Variants in NBEAL2 observed in about 807,000 individuals in gnomAD.
NBEAL2 encodes neurobeachin-like protein 2.
A neutral mutation model predicts 299.8 loss-of-function variants in NBEAL2; 160 were observed. That is an observed-to-expected ratio of 0.53 (90% CI 0.47 to 0.61). The LOEUF (loss-of-function observed/expected upper bound fraction) is 0.61, where lower values mean the gene tolerates loss of function less well. NBEAL2 is among the 20% of genes least tolerant of loss of function. The pLI is 0.00. For synonymous variants in NBEAL2, 1,493 were observed against 1,542.3 expected, an observed-to-expected ratio of 0.97 and a Z score of 0.75; for missense variants, 3,112 against 3,649.0, an observed-to-expected ratio of 0.85 and a Z score of 3.79.
Position 47,007,716 on chromosome 3 carries a change from C to T in NBEAL2, c.7507+19C>T, listed in dbSNP as rs758256427. 1.9e-6 allele frequency: 3 copies of T among 1,609,230 alleles called. No homozygotes were observed. The Admixed American group carries it at 5.0e-5, about 27-fold the overall frequency. ...CACCTTGGTATGAACAGCCTTGGAG[C>T]TGGGGAGAATGAGGCACACAGGTAT... On this transcript the variant is annotated intron_variant, in intron 48 of 53. Coordinates refer to ENST00000450053, the MANE Select transcript of NBEAL2 (RefSeq NM_015175.3).
rs935435065 is a variant in NBEAL2 at position 47,000,882 on chromosome 3, C to G, written c.4306-119C>G. ...TGCCAGGCTCACTGTTAGCCAAATG[C>G]TCTGACTCCTGGGTGGCTACCCCAG... On this transcript the variant is annotated intron_variant, in intron 27 of 53. Coordinates refer to ENST00000450053, the MANE Select transcript of NBEAL2 (RefSeq NM_015175.3). This position sits in a 1 kb window ranked among gnomAD's most constrained non-coding sequence, Gnocchi z 4.5. The G allele has an allele frequency of 1.4e-6, 2 of 1,431,392 alleles. No individual in the cohort carries two copies. Among genetic ancestry groups the G allele is most frequent in the East Asian group, 2.5e-5 (1 of 40,046 alleles). 88.7% of individuals were successfully genotyped at this position (1,431,392 alleles called of 1,614,324 possible). A position where few individuals can be genotyped will look rare whatever the true frequency, so the allele number is the denominator to read the frequency against.
At position 46,989,516 on chromosome 3, in the gene NBEAL2, T is replaced by G; in HGVS notation, c.479T>G (p.Val160Gly). The G allele has an allele frequency of 6.3e-7, 1 of 1,590,640 alleles. No individual in the cohort carries two copies. Among genetic ancestry groups the G allele is most frequent in the Admixed American group, 1.8e-5 (1 of 56,886 alleles). ...CTTGGCCTCACTGCCCCCAGGGAAG[T>G]CATCAGCTCCAAGGAGAAGAGCAAA... Reference protein sequence around the residue: ...QTWRRQRSGEVISSKEKSKYK... With the variant: ...QTWRRQRSGEGISSKEKSKYK... Residue 160 changes from valine (V) to glycine (G), a missense_variant, in exon 6 of 54, where the codon GTC becomes GGC. Physicochemically the swap from Val to Gly is moderately radical, Grantham distance 109. Coordinates refer to ENST00000450053, the MANE Select transcript of NBEAL2 (RefSeq NM_015175.3). This position sits in a 1 kb window ranked among gnomAD's most constrained non-coding sequence, Gnocchi z 5.5.
intron 1 of NBEAL2, among the ~76,000 whole-genome samples, 166 bp downstream of exon 1, chr3:46,980,078 C>T (rs1289605821): frequency 2.0e-5 from 3 of 151,932 alleles, no homozygotes; most frequent in African/African-American, 4.8e-5. Flanking sequence ...GTGTGTGCCC[C>T]CAGCCCGCCG....
In NBEAL2 at chr3:46,989,366, G is replaced by T; in HGVS notation, c.458G>T (p.Arg153Leu). The change falls in exon 5 of 54, where the codon CGG becomes CTG. Residue 153 changes from arginine to leucine, a missense_variant. Around this residue, in one of 3 missense-constraint regions of NBEAL2, gnomAD observed 2,243 missense variants for 2,538.1 expected, o/e 0.88. Coordinates refer to ENST00000450053, the MANE Select transcript of NBEAL2 (RefSeq NM_015175.3). The surrounding 1 kb of genome is among the most constrained non-coding windows in gnomAD (Gnocchi z 5.5). ...CTCTTTGACCCTTACCAAACCTGGC[G>T]GCGCCAGCGCAGTGGGTGAGACCCA... ...EGLFDPYQTW[R>L]RQRSGEVISS... 6.3e-7 allele frequency: 1 copy of T among 1,579,392 alleles called. No homozygotes were observed. The highest frequency in any genetic ancestry group is 8.6e-7 in the Non-Finnish European group (1 of 1,162,774).
At chr3:46,985,595 G>T (rs2035623417) in intron 1 of NBEAL2, among the ~76,000 whole-genome samples, 1 of 152,214 alleles carries the variant, frequency 6.6e-6, no homozygotes, top group Admixed American at 6.5e-5. Context: ...ATAAGTTGGG[G>T]TCTCTGTGGT....
At chr3:46,990,817 C>T (rs1033234307) in intron 6 of NBEAL2, among the ~76,000 whole-genome samples, 2 of 152,146 alleles carry the variant, frequency 1.3e-5, no homozygotes, top group African/African-American at 2.4e-5. Flanking sequence ...CCCCAGAGCA[C>T]GGCATGGGAA....
rs754407148 is a variant in NBEAL2 at position 46,988,957 on chromosome 3, A to C, written c.256A>C (p.Ile86Leu). 5 of 1,612,916 alleles carry C rather than the reference A, an allele frequency of 3.1e-6. No homozygotes were observed. The highest frequency in any genetic ancestry group is 4.2e-6 in the Non-Finnish European group (5 of 1,179,230). Reference protein sequence around the residue: ...EQALLLLKLFIILCRNLENIE... With the variant: ...EQALLLLKLFLILCRNLENIE... ...AGCCCTCCTGCTGCTCAAGCTCTTC[A>C]TCATTCTCTGCAGGTGTCTCTGTTG... Residue 86 changes from isoleucine to leucine, a missense_variant, in exon 3 of 54, where the codon ATC becomes CTC. Ile to Leu is a conservative substitution (Grantham distance 5, BLOSUM62 2). Around this residue, in one of 3 missense-constraint regions of NBEAL2, gnomAD observed 2,243 missense variants for 2,538.1 expected, o/e 0.88. Transcript: ENST00000450053. The surrounding 1 kb of genome is among the most constrained non-coding windows in gnomAD (Gnocchi z 4.4).
In NBEAL2 at chr3:46,999,130, C is replaced by T. The variant is rs1225687405; in HGVS notation, c.3543+13C>T. 1.0e-5 allele frequency: 16 copies of T among 1,559,894 alleles called. No individual in the cohort carries two copies. Among genetic ancestry groups the T allele is most frequent in the East Asian group, 2.4e-5 (1 of 41,542 alleles). The stretch of plus-strand genomic sequence containing the variant: ...TCGAGTCTGCAAGGTACACCCAGCC[C>T]ACCCCCTCCCCTGGCATCCCATTCA... On this transcript the variant is annotated intron_variant, in intron 24 of 53. Coordinates refer to ENST00000450053, the MANE Select transcript of NBEAL2 (RefSeq NM_015175.3).
At position 46,998,088 on chromosome 3, in the gene NBEAL2, A is replaced by T. The variant is rs775954297; in HGVS notation, c.2980A>T (p.Met994Leu). The T allele has an allele frequency of 6.3e-7, 1 of 1,575,082 alleles. No homozygotes were observed. Among genetic ancestry groups the T allele is most frequent in the African/African-American group, 1.4e-5 (1 of 73,946 alleles). The change falls in exon 21 of 54, where the codon ATG (methionine) becomes TTG (leucine). Residue 994 changes from methionine (M) to leucine (L), a missense_variant. Physicochemically the swap from Met to Leu is conservative, Grantham distance 15 (BLOSUM62 2). Transcript: ENST00000450053. ...CCAGGTCCCAAGCTGGGCCATGGAC[A>T]TGAACGTGCTCATGTCCGCCCAGCT... ...LRKVPSWAMD[M>L]NVLMSAQLLM... is the part of the protein sequence containing the mutation.
intron 49 of NBEAL2, 24 bp downstream of exon 49, chr3:47,007,934 G>A: frequency 1.9e-6 from 3 of 1,606,034 alleles, no homozygotes; most frequent in South Asian, 1.1e-5. Context: ...GCAGCTCTGT[G>A]GGGCCCCCGT....
rs555244713 is a variant in NBEAL2, at chr3:46,991,998, AG to A, written c.1032+53del. 866 of 1,449,532 alleles carry A rather than the reference AG, an allele frequency of 6.0e-4. 8 individuals carry two copies. In the South Asian group the frequency reaches 1.0e-2, roughly 17 times the overall value. 89.8% of individuals were successfully genotyped at this position (1,449,532 alleles called of 1,614,324 possible). On this transcript the variant is annotated intron_variant, in intron 9 of 53. Transcript: ENST00000450053. The surrounding 1 kb of genome is among the most constrained non-coding windows in gnomAD (Gnocchi z 6.2). ...GGGTCTGGAAGCCAGAGGCTAGGGG[AG>A]CCACGCATAGGTGCCAGGCTGCTGC...
rs764523322 is a variant in NBEAL2 at position 47,008,415 on chromosome 3, T to A, written c.7852T>A (p.Ser2618Thr). 1.1e-5 allele frequency: 17 copies of A among 1,613,598 alleles called. No individual in the cohort carries two copies. Among genetic ancestry groups the A allele is most frequent in the Non-Finnish European group, 1.4e-5 (17 of 1,179,590 alleles). Residue 2618 changes from serine (S) to threonine (T), a missense_variant, in exon 51 of 54, where the codon TCA becomes ACA. Coordinates refer to ENST00000450053, the MANE Select transcript of NBEAL2 (RefSeq NM_015175.3). ...GSEGQIVVQS[S>T]AWERPGAQVT... ...CGAAGGCCAGATTGTGGTACAGAGC[T>A]CAGCGTGGGAACGTCCTGGGGCCCA...
rs749631556 is a variant in NBEAL2 at position 47,001,813 on chromosome 3, T to C, written c.4769T>C (p.Leu1590Pro). The C allele has an allele frequency of 3.7e-6, 6 of 1,613,770 alleles. No individual in the cohort carries two copies. In the Admixed American group the frequency reaches 1.0e-4, roughly 27 times the overall value. The part of the protein sequence containing the change: ...GLRLVLGYIL[L>P]EDPQLHAQAY... Reference sequence around the variant, plus strand: ...CGGCTTGTACTTGGCTACATCCTGCTGGAAGACCCACAGGTGAGCACAGGG... The same window carrying C: ...CGGCTTGTACTTGGCTACATCCTGCCGGAAGACCCACAGGTGAGCACAGGG... Residue 1590 changes from leucine (L) to proline (P), a missense_variant, in exon 30 of 54, where the codon CTG (leucine) becomes CCG (proline). Transcript: ENST00000450053. This position sits in a 1 kb window ranked among gnomAD's most constrained non-coding sequence, Gnocchi z 6.1.
Position 47,004,348 on chromosome 3 carries a change from C to G in NBEAL2, c.6153C>G (p.Ser2051Arg). ...GGCCCCCCTCTCAAGGCTACCTAAG[C>G]AGCCGCTCCCCCCAGGAGATGCTGC... is the stretch of plus-strand genomic sequence containing the variant. ...RLRPPSQGYL[S>R]SRSPQEMLRA... Residue 2051 changes from serine to arginine, a missense_variant, in exon 37 of 54, where the codon AGC becomes AGG. Ser to Arg is a moderately radical substitution (Grantham distance 110, BLOSUM62 -1). Coordinates refer to ENST00000450053, the MANE Select transcript of NBEAL2 (RefSeq NM_015175.3). The surrounding 1 kb of genome is among the most constrained non-coding windows in gnomAD (Gnocchi z 5.0). The G allele has an allele frequency of 6.2e-7, 1 of 1,605,602 alleles. No individual in the cohort carries two copies. Among genetic ancestry groups the G allele is most frequent in the Non-Finnish European group, 8.5e-7 (1 of 1,174,884 alleles).
chr3:46,994,163 T>A, intron 11 of NBEAL2, 143 bp downstream of exon 11: 1 of 831,988 alleles, frequency 1.2e-6, no homozygotes, highest in South Asian at 1.6e-5. Flanking sequence ...TGCCCTGCCC[T>A]AAAGCTCACT....
At chr3:46,999,744 G>A in intron 26 of NBEAL2, 29 bp downstream of exon 26, 1 of 1,604,486 alleles carries the variant, frequency 6.2e-7, no homozygotes, top group South Asian at 1.1e-5. Context: ...AGCTTTGGGG[G>A]AGGGGGAGGG....
In NBEAL2 at chr3:46,982,591, G is replaced by A. The variant is rs2035420237; in HGVS notation, c.51+2679G>A. ...GCCCTGGTGGGGAAACCAAGGCAGG[G>A]TCCTACTACGATTGTCAGACCTCAC... On this transcript the variant is annotated intron_variant, in intron 1 of 53. Coordinates refer to ENST00000450053, the MANE Select transcript of NBEAL2 (RefSeq NM_015175.3). This position sits in a 1 kb window ranked among gnomAD's most constrained non-coding sequence, Gnocchi z 4.2. 1.3e-5 allele frequency among the ~76,000 whole-genome samples: 2 copies of A among 152,272 alleles called. No homozygotes were observed. The highest frequency in any genetic ancestry group is 4.1e-4 in the South Asian group (2 of 4,828).
At chr3:47,008,745 C>T in intron 52 of NBEAL2, 77 bp downstream of exon 52, 1 of 1,578,406 alleles carries the variant, frequency 6.3e-7, no homozygotes, top group Non-Finnish European at 8.6e-7. Context: ...TAGGAACCCA[C>T]ACACCATACA....
rs147877242 is a variant in NBEAL2 at position 47,008,337 on chromosome 3, C to T, written c.7774C>T (p.Arg2592Trp). Residue 2592 changes from arginine to tryptophan, a missense_variant, in exon 51 of 54, where the codon CGG becomes TGG. Transcript: ENST00000450053. Reference protein sequence around the residue: ...VRRGQFVAALRPLGATFPGPI... With the variant: ...VRRGQFVAALWPLGATFPGPI... ...CCGCGGACAGTTTGTAGCGGCACTA[C>T]GGCCTCTGGGTGCCACATTCCCTGG... The T allele has an allele frequency of 4.5e-5, 72 of 1,613,366 alleles. 1 individual carries two copies. Among genetic ancestry groups the T allele is most frequent in the Admixed American group, 3.5e-4 (21 of 59,928 alleles).
Sources: gnomAD v4.1 joint callset for allele counts (sites outside exome capture counted in the v4.1 genomes callset) on GRCh38, gnomAD v4.1.1 for gene constraint, gnomAD v4.1.1 regional missense constraint, Gnocchi (gnomAD v3.1) non-coding constraint, MANE v1.5 for transcripts, NCBI Gene and HGNC (gene_info 2026-07-23, HGNC 2026-07-21) for gene names.